The following MARCHF4 variants were observed in gnomAD, a reference collection of about 807,000 sequenced individuals.
MARCHF4 encodes the protein E3 ubiquitin-protein ligase MARCHF4.
In MARCHF4, 14 loss-of-function variants were observed where a neutral mutation model predicts 43.9. The observed-to-expected ratio is 0.32, with a 90% CI of 0.21 to 0.50. MARCHF4 has a LOEUF of 0.50. MARCHF4 is among the 20% of genes least tolerant of loss of function. The pLI is 0.98. For missense variants in MARCHF4, 468 were observed against 536.7 expected (o/e 0.87, Z 1.27); for synonymous variants, 226 against 213.3 (o/e 1.06, Z -0.52).
At chr2:216,277,390 A>T (rs1240736309) in intron 3 of MARCHF4, among the ~76,000 whole-genome samples, 2 of 152,194 alleles carry the variant, frequency 1.3e-5, no homozygotes, top group African/African-American at 4.8e-5. Context: ...TACATAGACT[A>T]ACAATTTTTC....
At chr2:216,365,530 C>T (rs1034307774) in intron 1 of MARCHF4, among the ~76,000 whole-genome samples, 11 of 152,172 alleles carry the variant, frequency 7.2e-5, no homozygotes, top group African/African-American at 2.2e-4. Flanking sequence ...AGATAAAATC[C>T]ACCATGGCAG....
chr2:216,337,339 G>A (rs1294059945), intron 1 of MARCHF4, among the ~76,000 whole-genome samples: 1 of 152,098 alleles, frequency 6.6e-6, no homozygotes, highest in Non-Finnish European at 1.5e-5. Context: ...TGCTGTGAAA[G>A]CACATTTGAT....
At chr2:216,354,951 CTTT>C (rs1559106670) in intron 1 of MARCHF4, among the ~76,000 whole-genome samples, 28 of 139,866 alleles carry the variant, frequency 2.0e-4, no homozygotes, top group Admixed American at 1.6e-3. Flanking sequence ...TTCTTTCTTT[CTTT>C]CTTTCTTTCT....
Position 216,370,178 on chromosome 2 carries a change from G to C in MARCHF4, c.83C>G (p.Ala28Gly). 1.9e-6 allele frequency: 3 copies of C among 1,612,412 alleles called. No individual in the cohort carries two copies. The highest frequency in any genetic ancestry group is 2.5e-6 in the Non-Finnish European group (3 of 1,179,486). ...GWYCYGLCAP[A>G]PQMLRHQGLL... is the part of the protein sequence containing the mutation. The stretch of plus-strand genomic sequence containing the variant: ...ACCCTGGTGGCGCAACATCTGGGGG[G>C]CTGGGGCACACAATCCATAGCAGTA... The change falls in exon 1 of 4, where the codon GCC becomes GGC. Residue 28 changes from alanine (A) to glycine (G), a missense_variant. Coordinates refer to ENST00000273067, the MANE Select transcript of MARCHF4 (RefSeq NM_020814.3).
intron 1 of MARCHF4, among the ~76,000 whole-genome samples, chr2:216,325,673 G>A (rs1197001245): frequency 1.3e-5 from 2 of 151,974 alleles, no homozygotes; most frequent in African/African-American, 4.8e-5. Flanking sequence ...ACAACTATCT[G>A]ATCTTTGACA....
At chr2:216,315,121 G>A (rs1296279342) in intron 1 of MARCHF4, among the ~76,000 whole-genome samples, 1 of 152,064 alleles carries the variant, frequency 6.6e-6, no homozygotes, top group East Asian at 1.9e-4. Context: ...CAAAGAAGGG[G>A]AAAAAGGTCA....
chr2:216,263,519 G>GAGAA (rs1559280560), intron 3 of MARCHF4, among the ~76,000 whole-genome samples: 5 of 143,428 alleles, frequency 3.5e-5, no homozygotes, highest in Non-Finnish European at 7.6e-5. Flanking sequence ...GAGAGAGAGA[G>GAGAA]AGAGAGAGAG....
intron 1 of MARCHF4, among the ~76,000 whole-genome samples, chr2:216,359,535 C>A (rs894325100): frequency 2.2e-4 from 33 of 152,178 alleles, no homozygotes; most frequent in Non-Finnish European, 5.9e-5. Flanking sequence ...CAAGAGACAA[C>A]AGTCAATCTA....
chr2:216,363,725 C>G (rs1457676951), intron 1 of MARCHF4, among the ~76,000 whole-genome samples: 2 of 152,180 alleles, frequency 1.3e-5, no homozygotes, highest in Non-Finnish European at 2.9e-5. Flanking sequence ...GCTCTCCCAT[C>G]ATGGTGTGTG....
intron 1 of MARCHF4, among the ~76,000 whole-genome samples, chr2:216,348,291 G>A (rs1244055679): frequency 1.3e-5 from 2 of 151,988 alleles, no homozygotes; most frequent in Non-Finnish European, 2.9e-5. Flanking sequence ...CCCTTTGATC[G>A]GCCTCTTAAA....
chr2:216,296,444 C>T (rs939830436), intron 1 of MARCHF4, among the ~76,000 whole-genome samples: 2 of 152,208 alleles, frequency 1.3e-5, no homozygotes, highest in Admixed American at 1.3e-4. Context: ...AAGCCTTCTT[C>T]CTGCACATGT....
rs993461507 is a variant in MARCHF4, at chr2:216,314,938, A to G, written c.517-31209T>C. Among the ~76,000 whole-genome samples, 62 of 152,326 alleles carry G rather than the reference A, an allele frequency of 4.1e-4. 1 individual carries two copies. The highest frequency in any genetic ancestry group is 1.5e-3 in the African/African-American group (61 of 41,580). The stretch of plus-strand genomic sequence containing the variant: ...TAAATGTGACTCCAAAAAAAGCTGG[A>G]ACCACAGTAGTCAGACGACATCAGA... On this transcript the variant is annotated intron_variant, in intron 1 of 3. Coordinates refer to ENST00000273067, the MANE Select transcript of MARCHF4 (RefSeq NM_020814.3).
chr2:216,302,988 C>A (rs1410699966), intron 1 of MARCHF4, among the ~76,000 whole-genome samples: 2 of 151,314 alleles, frequency 1.3e-5, no homozygotes, highest in African/African-American at 2.4e-5. Context: ...AATTTGTAAT[C>A]CCCCCAAAAT....
At chr2:216,308,432 C>T (rs1691625817) in intron 1 of MARCHF4, among the ~76,000 whole-genome samples, 1 of 152,088 alleles carries the variant, frequency 6.6e-6, no homozygotes, top group Non-Finnish European at 1.5e-5. Flanking sequence ...AAGTCAGGCA[C>T]ATGGAGCTCT....
At chr2:216,323,883 C>G (rs891357827) in intron 1 of MARCHF4, among the ~76,000 whole-genome samples, 2 of 151,990 alleles carry the variant, frequency 1.3e-5, no homozygotes, top group African/African-American at 4.8e-5. Flanking sequence ...AATTGACACC[C>G]TAACATCACA....
At position 216,372,246 on chromosome 2, in the gene MARCHF4, G is replaced by A. The variant is rs1052354932; in HGVS notation, c.-1986C>T. ...GAGGTGGCGGGGCGGCGAGCTGACC[G>A]TCCGAGAACTGGAAACAAGGTTCTT... is the stretch of plus-strand genomic sequence containing the variant. On this transcript the variant is annotated 5_prime_UTR_variant, in exon 1 of 4. It adds an upstream start codon to the 5' untranslated region. Transcript: ENST00000273067. Among the ~76,000 whole-genome samples, 1 of 152,176 alleles carries A rather than the reference G, an allele frequency of 6.6e-6. No individual in the cohort carries two copies. The highest frequency in any genetic ancestry group is 1.5e-5 in the Non-Finnish European group (1 of 68,030).
intron 1 of MARCHF4, among the ~76,000 whole-genome samples, chr2:216,287,430 C>A (rs1254484165): frequency 6.6e-6 from 1 of 151,918 alleles, no homozygotes; most frequent in Non-Finnish European, 1.5e-5. Flanking sequence ...CAAAGGGCAC[C>A]AGACACTTCC....
chr2:216,362,682 C>T (rs1000784407), intron 1 of MARCHF4, among the ~76,000 whole-genome samples: 1 of 152,266 alleles, frequency 6.6e-6, no homozygotes, highest in South Asian at 2.1e-4. Context: ...GAAACTCCCC[C>T]CTTTCTTTCC....
chr2:216,307,672 C>G (rs549833573), intron 1 of MARCHF4, among the ~76,000 whole-genome samples: 2 of 152,262 alleles, frequency 1.3e-5, no homozygotes, highest in East Asian at 3.9e-4. Flanking sequence ...CTTGGCTTCT[C>G]CCAGAGCACA....
Sources: allele counts gnomAD v4.1 joint callset (sites outside exome capture counted in the v4.1 genomes callset), GRCh38; gene constraint gnomAD v4.1.1; transcripts MANE v1.5; gene names NCBI Gene and HGNC (gene_info 2026-07-23, HGNC 2026-07-21).